The following PTPRT variants were observed in gnomAD, a reference collection of about 807,000 sequenced individuals.
PTPRT encodes the protein receptor-type tyrosine-protein phosphatase T.
In PTPRT, 56 loss-of-function variants were observed where a neutral mutation model predicts 176.8. The observed-to-expected ratio is 0.32, with a 90% confidence interval of 0.26 to 0.40. The LOEUF (loss-of-function observed/expected upper bound fraction) is 0.40, where lower values mean the gene tolerates loss of function less well. PTPRT is among the 10% of genes least tolerant of loss of function. The pLI is 1.00. For missense variants in PTPRT, 1,540 were observed against 1,908.2 expected, an observed-to-expected ratio of 0.81 and a Z score of 3.60; for synonymous variants, 783 against 739.0, an observed-to-expected ratio of 1.06 and a Z score of -0.96.
Position 42,115,227 on chromosome 20 carries a change from T to C in PTPRT, c.3071A>G (p.Tyr1024Cys), listed in dbSNP as rs1987215059. The C allele has an allele frequency of 6.2e-7, 1 of 1,614,046 alleles. No individual in the cohort carries two copies. Among genetic ancestry groups the C allele is most frequent in the Non-Finnish European group, 8.5e-7 (1 of 1,179,944 alleles). ...CTGGACTGTGAAGGTGCGTATGACG[T>C]ATTCTGCCAGGGGCTCTGTTTCAAT... Reference protein sequence around the residue: ...TLIETEPLAEYVIRTFTVQKK... With the variant: ...TLIETEPLAECVIRTFTVQKK... Residue 1024 changes from tyrosine (Y) to cysteine (C), a missense_variant, in exon 22 of 31, where the codon TAC (tyrosine) becomes TGC (cysteine). By Grantham distance (194) the Tyr-to-Cys change is radical. Around this residue, in one of 11 missense-constraint regions of PTPRT, gnomAD observed 248 missense variants for 356.7 expected, o/e 0.70. Transcript: ENST00000373187.
chr20:42,482,777 G>A (rs1254647539), intron 7 of PTPRT, among the ~76,000 whole-genome samples: 1 of 152,062 alleles, frequency 6.6e-6, no homozygotes, highest in Admixed American at 6.5e-5. Context: ...CATTTACCCT[G>A]AAGTTTTTAC....
At chr20:42,932,371 G>A (rs1201109349) in intron 1 of PTPRT, among the ~76,000 whole-genome samples, 1 of 152,256 alleles carries the variant, frequency 6.6e-6, no homozygotes, top group Non-Finnish European at 1.5e-5. Flanking sequence ...TGCACGTGAA[G>A]GTGTCAGGCC....
At chr20:42,307,930 G>T (rs545516323) in intron 12 of PTPRT, among the ~76,000 whole-genome samples, 11 of 152,312 alleles carry the variant, frequency 7.2e-5, no homozygotes, top group African/African-American at 2.4e-4. Flanking sequence ...GGTGACAAAA[G>T]TGACGGCTGG....
At chr20:42,133,057 C>T (rs1988197750) in intron 18 of PTPRT, among the ~76,000 whole-genome samples, 1 of 152,154 alleles carries the variant, frequency 6.6e-6, no homozygotes, top group Non-Finnish European at 1.5e-5. Context: ...AATTTGAGTA[C>T]ACATATAAAC....
At chr20:42,386,063 T>C (rs2058741442) in intron 9 of PTPRT, among the ~76,000 whole-genome samples, 2 of 152,204 alleles carry the variant, frequency 1.3e-5, no homozygotes, top group South Asian at 4.1e-4. Context: ...TATAAAGCTT[T>C]GAATAAACAA....
chr20:42,886,029 T>A, intron 1 of PTPRT, 97 bp from the exon 2 acceptor site: 1 of 958,466 alleles, frequency 1.0e-6, no homozygotes, highest in Non-Finnish European at 1.4e-6. Flanking sequence ...CTTTGAATTT[T>A]AAACTCTGGA....
chr20:42,428,803 G>C (rs1042424236), intron 9 of PTPRT, among the ~76,000 whole-genome samples: 10 of 152,014 alleles, frequency 6.6e-5, no homozygotes, highest in Non-Finnish European at 1.0e-4. Flanking sequence ...ATACTGACAG[G>C]GCACCCCTCC....
downstream of PTPRT, among the ~76,000 whole-genome samples, chr20:42,068,689 A>G (rs1982185826): frequency 6.6e-6 from 1 of 152,172 alleles, no homozygotes; most frequent in African/African-American, 2.4e-5. Context: ...TCAACCACTG[A>G]TTACGATTCT....
intron 15 of PTPRT, among the ~76,000 whole-genome samples, chr20:42,206,330 G>C (rs987257339): frequency 1.3e-5 from 2 of 152,238 alleles, no homozygotes; most frequent in Non-Finnish European, 2.9e-5. Context: ...CAGCGTGAGC[G>C]ACGCAGAAGA....
chr20:43,096,540 G>C (rs1190829023), intron 1 of PTPRT, among the ~76,000 whole-genome samples: 1 of 152,192 alleles, frequency 6.6e-6, no homozygotes, highest in Non-Finnish European at 1.5e-5. Context: ...TCCTGACAGA[G>C]GGGGTTCCTC....
At chr20:42,091,777 G>T (rs1984642463) in intron 27 of PTPRT, among the ~76,000 whole-genome samples, 1 of 151,670 alleles carries the variant, frequency 6.6e-6, no homozygotes. Flanking sequence ...AGAAGACAGG[G>T]ACAGAGGGAG....
intron 7 of PTPRT, among the ~76,000 whole-genome samples, chr20:42,591,616 C>T (rs1314276298): frequency 6.6e-6 from 1 of 152,144 alleles, no homozygotes; most frequent in Non-Finnish European, 1.5e-5. Context: ...CTGGAAAAAA[C>T]ACATCACCAC....
chr20:42,660,338 G>A (rs2075200937), intron 7 of PTPRT, among the ~76,000 whole-genome samples: 1 of 152,046 alleles, frequency 6.6e-6, no homozygotes, highest in Non-Finnish European at 1.5e-5. Context: ...TCCCTCCCAA[G>A]AAACTCCCAT....
intron 7 of PTPRT, among the ~76,000 whole-genome samples, chr20:42,521,172 G>T (rs962786068): frequency 5.3e-5 from 8 of 151,822 alleles, no homozygotes; most frequent in Non-Finnish European, 8.8e-5. Context: ...TCTGATTCCA[G>T]TTCAACAAAT....
chr20:42,857,844 T>C (rs941664291), intron 2 of PTPRT, among the ~76,000 whole-genome samples: 5 of 152,196 alleles, frequency 3.3e-5, no homozygotes, highest in Admixed American at 6.5e-5. Context: ...TCATATGTCT[T>C]CTCCTGCAGA....
intron 7 of PTPRT, among the ~76,000 whole-genome samples, chr20:42,581,990 A>G (rs183838825): frequency 6.6e-6 from 1 of 152,320 alleles, no homozygotes; most frequent in African/African-American, 2.4e-5. Flanking sequence ...ACTTGGAACA[A>G]AAAAGGGGCT....
chr20:42,385,816 C>A (rs1477854255), intron 9 of PTPRT, among the ~76,000 whole-genome samples: 1 of 152,086 alleles, frequency 6.6e-6, no homozygotes. Flanking sequence ...ATGGGAGAAA[C>A]CACCCCCACG....
chr20:42,351,072 A>G (rs2058276317), intron 10 of PTPRT, among the ~76,000 whole-genome samples: 1 of 152,008 alleles, frequency 6.6e-6, no homozygotes, highest in African/African-American at 2.4e-5. Context: ...AAACACATTT[A>G]AAATGCAAAT....
Position 43,045,508 on chromosome 20 carries a change from C to T in PTPRT, c.88+144138G>A, listed in dbSNP as rs1194372943. Among the ~76,000 whole-genome samples, 3 of 143,820 alleles carry T rather than the reference C, an allele frequency of 2.1e-5. No homozygotes were observed. In the East Asian group the frequency reaches 6.0e-4, roughly 29 times the overall value. The allele number at this position is 143,820 out of a possible 152,430, so 94.4% of individuals were successfully genotyped here. On this transcript the variant is annotated intron_variant, in intron 1 of 30. Transcript: ENST00000373187. ...TCGCTCTGTCACCTAGGCTGGAGTC[C>T]AGCAGTGTTATCTCAGCTCACTCTT...
Sources: allele counts gnomAD v4.1 joint callset (sites outside exome capture counted in the v4.1 genomes callset), GRCh38; gene constraint gnomAD v4.1.1; regional missense constraint gnomAD v4.1.1; transcripts MANE v1.5; gene names NCBI Gene and HGNC (gene_info 2026-07-23, HGNC 2026-07-21).